NOTCH1: variants seen among roughly 807,000 people sequenced by gnomAD.
NOTCH1 encodes notch receptor 1.
NOTCH1 carries 37 observed loss-of-function variants against 254.8 expected under a neutral mutation model. The ratio of observed to expected loss-of-function variants is 0.15; its 90% CI spans 0.11 to 0.19. The LOEUF is 0.19. NOTCH1 is among the 10% of genes least tolerant of loss of function. NOTCH1 has a pLI of 1.00. For missense variants in NOTCH1, 2,972 were observed against 3,708.6 expected, an observed-to-expected ratio of 0.80 and a Z score of 5.16; for synonymous variants, 1,731 against 1,618.1, an observed-to-expected ratio of 1.07 and a Z score of -1.68.
chr9:136,544,147 C>A, intron 1 of NOTCH1, 45 bp from the exon 2 acceptor site: 1 of 1,523,612 alleles, frequency 6.6e-7, no homozygotes, highest in South Asian at 1.2e-5. Context: ...CCCGCACCAC[C>A]ACCACCGAAG....
intron 2 of NOTCH1, among the ~76,000 whole-genome samples, chr9:136,535,252 G>T (rs1307285867): frequency 6.6e-6 from 1 of 151,912 alleles, no homozygotes; most frequent in African/African-American, 2.4e-5. Flanking sequence ...CAGGCCCCCA[G>T]GGTTCACAAG....
Position 136,529,329 on chromosome 9 carries a change from C to T in NOTCH1, c.141-5350G>A, listed in dbSNP as rs370839891. 2.9e-4 allele frequency among the ~76,000 whole-genome samples: 44 copies of T among 152,352 alleles called. No homozygotes were observed. In the East Asian group the frequency reaches 6.2e-3, roughly 21 times the overall value. On this transcript the variant is annotated intron_variant, in intron 2 of 33. Transcript: ENST00000651671. ...GAGGCCAACGAGCCCAGCTCTAGCC[C>T]GGACCAAGGCTTCTGGGGCAGGGGG...
chr9:136,514,738 G>A lies in NOTCH1; in HGVS notation c.2015-36C>T, dbSNP rs780469283. 4.0e-5 allele frequency: 64 copies of A among 1,597,626 alleles called. 1 individual carries two copies. The highest frequency in any genetic ancestry group is 6.7e-5 in the African/African-American group (5 of 74,640). ...GGCGGGTCAGACTCCGAGGCCCAGC[G>A]CCCAGGGGGTCCCACCCACGTCAAC... On this transcript the variant is annotated intron_variant, in intron 12 of 33. Transcript: ENST00000651671.
At chr9:136,543,838 C>T in intron 2 of NOTCH1, 186 bp downstream of exon 2, 3 of 687,574 alleles carry the variant, frequency 4.4e-6, no homozygotes, top group Non-Finnish European at 7.9e-6. Context: ...CAGCTCCACA[C>T]GCAGCATAAT....
Position 136,510,734 on chromosome 9 carries a change from T to A in NOTCH1, c.2659A>T (p.Thr887Ser), listed in dbSNP as rs1589062695. The A allele has an allele frequency of 6.2e-7, 1 of 1,610,790 alleles. No homozygotes were observed. Among genetic ancestry groups the A allele is most frequent in the East Asian group, 2.2e-5 (1 of 44,850 alleles). ...PCRHGASCQN[T>S]HGGYRCHCQA... The stretch of plus-strand genomic sequence containing the variant: ...CAGTGGCAGCGGTAGCCGCCGTGGG[T>A]GTTCTGGCAGGATGCGCCGTGCCGG... Residue 887 changes from threonine (T) to serine (S), a missense_variant, in exon 17 of 34, where the codon ACC becomes TCC. This residue lies in a region of NOTCH1 where 1,343 missense variants were observed against 1,557.0 expected (regional missense o/e 0.86). Transcript: ENST00000651671.
At chr9:136,520,681 T>G (rs1475643893) in intron 4 of NOTCH1, among the ~76,000 whole-genome samples, 1 of 150,134 alleles carries the variant, frequency 6.7e-6, no homozygotes, top group African/African-American at 2.5e-5. Flanking sequence ...AAGGCTGCAG[T>G]GAGCTGAGGG....
Position 136,531,814 on chromosome 9 carries a change from C to T in NOTCH1, c.141-7835G>A, listed in dbSNP as rs560163377. 2.5e-3 allele frequency among the ~76,000 whole-genome samples: 383 copies of T among 152,364 alleles called. 2 individuals are homozygous for T. The highest frequency in any genetic ancestry group is 6.8e-3 in the Middle Eastern group (2 of 294). ...CACCAGGACACCTCTGTGTGCCTCC[C>T]GATTCGGCCGCAGATGGACGGCGGC... On this transcript the variant is annotated intron_variant, in intron 2 of 33. Coordinates refer to ENST00000651671, the MANE Select transcript of NOTCH1 (RefSeq NM_017617.5).
intron 18 of NOTCH1, among the ~76,000 whole-genome samples, 191 bp from the exon 19 acceptor site, chr9:136,509,262 C>T (rs1163776757): frequency 1.3e-5 from 2 of 152,214 alleles, no homozygotes; most frequent in African/African-American, 4.8e-5. Context: ...CACCACGTCA[C>T]ACCTCCCTCC....
At chr9:136,500,005 G>C (rs1842971977) in intron 31 of NOTCH1, among the ~76,000 whole-genome samples, 1 of 152,174 alleles carries the variant, frequency 6.6e-6, no homozygotes, top group Non-Finnish European at 1.5e-5. Context: ...TGGAGCCTGG[G>C]GACTCGCAGC....
intron 17 of NOTCH1, 99 bp downstream of exon 17, chr9:136,510,554 C>T: frequency 6.8e-7 from 1 of 1,471,074 alleles, no homozygotes; most frequent in Non-Finnish European, 9.2e-7. Flanking sequence ...CTCCGGCCTC[C>T]CTGGGTGCTT....
intron 6 of NOTCH1, 39 bp downstream of exon 6, chr9:136,518,552 G>C (rs756964388): frequency 6.4e-7 from 1 of 1,571,436 alleles, no homozygotes; most frequent in South Asian, 1.1e-5. Flanking sequence ...CCTGGCCCAT[G>C]TGAGCCCCCT....
intron 31 of NOTCH1, among the ~76,000 whole-genome samples, chr9:136,500,136 C>T (rs576093953): frequency 3.3e-5 from 5 of 152,352 alleles, no homozygotes; most frequent in Admixed American, 6.5e-5. Flanking sequence ...CTGCAGGCAC[C>T]GAGCGGCAGC....
intron 17 of NOTCH1, among the ~76,000 whole-genome samples, chr9:136,510,360 T>C (rs1392947568): frequency 6.6e-6 from 1 of 151,804 alleles, no homozygotes; most frequent in African/African-American, 2.4e-5. Flanking sequence ...CGGGGCCCGA[T>C]GAGCCAGGCG....
At chr9:136,521,599 G>A (rs1843367486) in intron 4 of NOTCH1, among the ~76,000 whole-genome samples, 2 of 152,152 alleles carry the variant, frequency 1.3e-5, no homozygotes, top group South Asian at 4.1e-4. Context: ...TGGAGGTAGG[G>A]TCCCGTGCTG....
chr9:136,514,935 C>T (rs1246144463), intron 12 of NOTCH1, among the ~76,000 whole-genome samples: 1 of 152,138 alleles, frequency 6.6e-6, no homozygotes, highest in East Asian at 1.9e-4. Context: ...GCAGCCCTGA[C>T]TGATGAGAAT....
rs368829867 is a variant in NOTCH1, at chr9:136,494,597, G to A, written c.*1474C>T. ...ACAGTAAAAATCAACATCTTGGGAC[G>A]CATCTGGTCATGCCCCCTGGGGATG... On this transcript the variant is annotated 3_prime_UTR_variant, in exon 34 of 34. Transcript: ENST00000651671. The A allele has an allele frequency of 8.5e-5, 34 of 398,936 alleles. No homozygotes were observed. The highest frequency in any genetic ancestry group is 6.4e-4 in the East Asian group (18 of 28,216). 24.7% of individuals were successfully genotyped at this position (398,936 alleles called of 1,614,324 possible). A position where few individuals can be genotyped will look rare whatever the true frequency, so the allele number is the denominator to read the frequency against.
chr9:136,535,046 C>T (rs1843624149), intron 2 of NOTCH1, among the ~76,000 whole-genome samples: 2 of 151,192 alleles, frequency 1.3e-5, no homozygotes, highest in Admixed American at 1.3e-4. Flanking sequence ...CCACAGGCCC[C>T]ACTGGACACC....
rs757138488 is a variant in NOTCH1 at position 136,508,164 on chromosome 9, G to C, written c.3326-25C>G. The C allele has an allele frequency of 1.9e-6, 3 of 1,608,394 alleles. No homozygotes were observed. The South Asian group carries it at 3.3e-5, about 18-fold the overall frequency. The stretch of plus-strand genomic sequence containing the variant: ...CCTGCGGGGGATGGGGTGGTAGACA[G>C]GTGAGGCCCAGGCCCACAGAGGACC... On this transcript the variant is annotated intron_variant, in intron 20 of 33. Coordinates refer to ENST00000651671, the MANE Select transcript of NOTCH1 (RefSeq NM_017617.5).
rs1589055421 is a variant in NOTCH1, at chr9:136,500,622, T to C, written c.5864A>G (p.Asn1955Ser). Residue 1955 changes from asparagine (N) to serine (S), a missense_variant, in exon 31 of 34, where the codon AAC becomes AGC. Asn to Ser is a conservative substitution (Grantham distance 46). This residue lies in a region of NOTCH1 where 421 missense variants were observed against 604.4 expected (regional missense o/e 0.70). Transcript: ENST00000651671. ...GGTGCGGCCCATGTTGTCCTGGATG[T>C]TGGCATCTGCGCTGGCCTCCAGCAG... ...KRLLEASADA[N>S]IQDNMGRTPL... The C allele has an allele frequency of 6.2e-7, 1 of 1,612,170 alleles. No individual in the cohort carries two copies. Among genetic ancestry groups the C allele is most frequent in the Non-Finnish European group, 8.5e-7 (1 of 1,179,886 alleles).
Sources: allele counts gnomAD v4.1 joint callset (sites outside exome capture counted in the v4.1 genomes callset), GRCh38; gene constraint gnomAD v4.1.1; regional missense constraint gnomAD v4.1.1; transcripts MANE v1.5; gene names NCBI Gene and HGNC (gene_info 2026-07-23, HGNC 2026-07-21).